SARNP: variants seen among roughly 807,000 people sequenced by gnomAD.
SARNP encodes the protein SAP domain-containing ribonucleoprotein.
A neutral mutation model predicts 38.1 loss-of-function variants in SARNP; 5 were observed. That is an observed-to-expected ratio of 0.13 (90% confidence interval 0.07 to 0.28). The LOEUF is 0.28. SARNP is among the 10% of genes least tolerant of loss of function. The pLI is 1.00. For synonymous variants in SARNP, 84 were observed against 80.6 expected, an observed-to-expected ratio of 1.04 and a Z score of -0.23; for missense variants, 180 against 243.9, an observed-to-expected ratio of 0.74 and a Z score of 1.75.
Position 55,757,573 on chromosome 12 carries a change from A to G in SARNP, c.592-20T>C. 6.2e-7 allele frequency: 1 copy of G among 1,603,056 alleles called. No individual in the cohort carries two copies. Among genetic ancestry groups the G allele is most frequent in the African/African-American group, 1.3e-5 (1 of 74,252 alleles). Reference sequence around the variant, plus strand: ...CTTTGCCTGTAAAGAAGAAGCAAGAAGAAAAAAATTAGACTGAAGACAATA... The same window carrying G: ...CTTTGCCTGTAAAGAAGAAGCAAGAGGAAAAAAATTAGACTGAAGACAATA... On this transcript the variant is annotated intron_variant, in intron 10 of 10. Coordinates refer to ENST00000336133, the MANE Select transcript of SARNP (RefSeq NM_033082.4).
At chr12:55,770,954 T>TA (rs1002400450) in intron 9 of SARNP, among the ~76,000 whole-genome samples, 5 of 149,200 alleles carry the variant, frequency 3.4e-5, no homozygotes, top group East Asian at 3.9e-4. Context: ...TTTTTTTTTT[T>TA]AACAGAGTTT....
At chr12:55,756,351 T>A (rs1878504599), downstream of SARNP, 1 of 152,234 alleles carries the variant, frequency 6.6e-6, no homozygotes, top group Non-Finnish European at 1.5e-5. Flanking sequence ...CTAAATTATC[T>A]AAACTTTAGG....
At chr12:55,789,533 A>G (rs1433703697) in intron 8 of SARNP, among the ~76,000 whole-genome samples, 1 of 152,236 alleles carries the variant, frequency 6.6e-6, no homozygotes, top group Non-Finnish European at 1.5e-5. Flanking sequence ...CTCCAAACAA[A>G]GAGAAACTAT....
chr12:55,810,311 C>T (rs948585270), intron 1 of SARNP, among the ~76,000 whole-genome samples: 1 of 152,034 alleles, frequency 6.6e-6, no homozygotes, highest in African/African-American at 2.4e-5. Flanking sequence ...TGAGGTCTCA[C>T]TATGTTGCCC....
At chr12:55,772,487 C>T (rs1879036565) in intron 9 of SARNP, among the ~76,000 whole-genome samples, 1 of 152,138 alleles carries the variant, frequency 6.6e-6, no homozygotes, top group African/African-American at 2.4e-5. Context: ...ACCCCCACTC[C>T]TCTTCAACCC....
At chr12:55,806,850 T>G (rs942121395) in intron 1 of SARNP, among the ~76,000 whole-genome samples, 3 of 152,252 alleles carry the variant, frequency 2.0e-5, no homozygotes, top group Non-Finnish European at 4.4e-5. Context: ...AAATCAAGAA[T>G]TTTATAAAGC....
At chr12:55,772,001 T>C (rs1879022530) in intron 9 of SARNP, among the ~76,000 whole-genome samples, 1 of 152,132 alleles carries the variant, frequency 6.6e-6, no homozygotes, top group African/African-American at 2.4e-5. Context: ...TCAGAAACAC[T>C]TGGATGCTTA....
chr12:55,791,599 A>G (rs1335914188), intron 7 of SARNP, among the ~76,000 whole-genome samples: 1 of 152,076 alleles, frequency 6.6e-6, no homozygotes, highest in Non-Finnish European at 1.5e-5. Flanking sequence ...GGAGGCTGAG[A>G]CAGGAGAATT....
intron 9 of SARNP, among the ~76,000 whole-genome samples, chr12:55,780,190 T>C (rs1592565276): frequency 6.6e-6 from 1 of 151,966 alleles, no homozygotes; most frequent in Admixed American, 6.6e-5. Flanking sequence ...CAGTGGCTCA[T>C]GCCTGTAATC....
chr12:55,806,330 A>G (rs1039021689), intron 1 of SARNP, among the ~76,000 whole-genome samples: 3 of 150,706 alleles, frequency 2.0e-5, no homozygotes, highest in African/African-American at 7.3e-5. Context: ...GCTGGAGTAC[A>G]GTGGCATGAT....
chr12:55,784,537 C>T (rs1348863970), intron 9 of SARNP, among the ~76,000 whole-genome samples: 1 of 152,172 alleles, frequency 6.6e-6, no homozygotes. Context: ...CAACTTCTCT[C>T]CTTTCATAGA....
At chr12:55,796,790 T>C (rs567865482) in intron 4 of SARNP, among the ~76,000 whole-genome samples, 1 of 152,316 alleles carries the variant, frequency 6.6e-6, no homozygotes, top group Non-Finnish European at 1.5e-5. Context: ...TAATAAGTAC[T>C]CTACAAGGTC....
chr12:55,787,637 A>T (rs193101732), intron 9 of SARNP, among the ~76,000 whole-genome samples: 9 of 151,916 alleles, frequency 5.9e-5, no homozygotes, highest in African/African-American at 2.2e-4. Context: ...GGGTTTCACC[A>T]TGTTGGCTGG....
At chr12:55,805,585 G>A (rs1406778950) in intron 1 of SARNP, among the ~76,000 whole-genome samples, 1 of 152,220 alleles carries the variant, frequency 6.6e-6, no homozygotes, top group Non-Finnish European at 1.5e-5. Context: ...GGTGGCTCAC[G>A]CCTGTAATCC....
At chr12:55,773,298 T>C (rs941836967) in intron 9 of SARNP, among the ~76,000 whole-genome samples, 1 of 152,154 alleles carries the variant, frequency 6.6e-6, no homozygotes, top group Non-Finnish European at 1.5e-5. Flanking sequence ...TGAAAAAATA[T>C]AGACCAAACA....
At chr12:55,760,299 G>T (rs891687185) in intron 10 of SARNP, 7 of 476,204 alleles carry the variant, frequency 1.5e-5, no homozygotes, top group Non-Finnish European at 1.1e-5. Context: ...CCAGGAGTTT[G>T]AGACCAGCCT....
At chr12:55,752,784 G>A (rs775843877), downstream of SARNP, 3 of 152,058 alleles carry the variant, frequency 2.0e-5, no homozygotes, top group Admixed American at 2.0e-4. Flanking sequence ...GGGCAAAGAC[G>A]GCCATAGGGT....
intron 4 of SARNP, among the ~76,000 whole-genome samples, chr12:55,799,002 AATG>A (rs1346750736): frequency 5.9e-5 from 9 of 152,220 alleles, no homozygotes; most frequent in Non-Finnish European, 7.3e-5. Flanking sequence ...TACATAAGAA[AATG>A]ATGATATAAA....
chr12:55,787,241 T>TAAAAAAAAAAAA (rs4016515), intron 9 of SARNP, among the ~76,000 whole-genome samples: 1 of 103,474 alleles, frequency 9.7e-6, no homozygotes, highest in Non-Finnish European at 2.2e-5. Flanking sequence ...CAAAAAAGAC[T>TAAAAAAAAAAAA]AAAAAAAAAA....
Sources: gnomAD v4.1 joint callset for allele counts (sites outside exome capture counted in the v4.1 genomes callset) on GRCh38, gnomAD v4.1.1 for gene constraint, MANE v1.5 for transcripts, NCBI Gene and HGNC (gene_info 2026-07-23, HGNC 2026-07-21) for gene names.